The following COG5 variants were observed in gnomAD, a reference collection of about 807,000 sequenced individuals.
The protein encoded by COG5 is conserved oligomeric Golgi complex subunit 5.
In COG5, 86 loss-of-function variants were observed where a neutral mutation model predicts 110.4. The ratio of observed to expected loss-of-function variants is 0.78; its 90% CI spans 0.65 to 0.93. COG5 has a LOEUF of 0.93. Among genes scored for constraint, COG5 ranks in the 40% least tolerant of loss-of-function variants. COG5 has a pLI of 0.00. For missense variants in COG5, 1,077 were observed against 987.0 expected, an observed-to-expected ratio of 1.09 and a Z score of -1.22; for synonymous variants, 360 against 334.6, an observed-to-expected ratio of 1.08 and a Z score of -0.83.
chr7:107,397,757 G>T (rs1472921131), intron 7 of COG5, among the ~76,000 whole-genome samples: 1 of 151,930 alleles, frequency 6.6e-6, no homozygotes, highest in Non-Finnish European at 1.5e-5. Flanking sequence ...TAAACACAAG[G>T]AATAACAAAA....
chr7:107,286,794 T>C (rs538762949), intron 12 of COG5, among the ~76,000 whole-genome samples: 7 of 152,168 alleles, frequency 4.6e-5, no homozygotes, highest in Non-Finnish European at 1.0e-4. Flanking sequence ...CACTCCTTTT[T>C]TTAAAATAAA....
intron 14 of COG5, among the ~76,000 whole-genome samples, chr7:107,279,669 T>C (rs570855215): frequency 2.0e-5 from 3 of 152,132 alleles, no homozygotes; most frequent in Non-Finnish European, 4.4e-5. Flanking sequence ...AAATAAGGCA[T>C]ATGATGTTTT....
At position 107,256,776 on chromosome 7, in the gene COG5, A is replaced by T; in HGVS notation, c.1705T>A (p.Ser569Thr). The change falls in exon 16 of 22, where the codon TCA becomes ACA. Residue 569 changes from serine to threonine, a missense_variant. Ser to Thr is a moderately conservative substitution (Grantham distance 58, BLOSUM62 1). Transcript: ENST00000297135. ...GTTTGCTCAGCTGCCAGTGGGAATGAGCTCTGACTGGAAACAACCTAGAAC... is the reference window on the plus strand; with the variant it reads ...GTTTGCTCAGCTGCCAGTGGGAATGTGCTCTGACTGGAAACAACCTAGAAC... ...SVTKVVSSQS[S>T]FPLAAEQTII... The T allele has an allele frequency of 6.2e-7, 1 of 1,611,026 alleles. No individual in the cohort carries two copies.
At chr7:107,295,093 ATATATATATTT>A (rs1319647864) in intron 12 of COG5, among the ~76,000 whole-genome samples, 3 of 77,162 alleles carry the variant, frequency 3.9e-5, no homozygotes, top group South Asian at 5.1e-4. Flanking sequence ...ATATATATAT[ATATATATATTT>A]TTTTTTTTTT....
rs1798314873 is a variant in COG5 at position 107,201,602 on chromosome 7, C to T, written c.*1914G>A. On this transcript the variant is annotated 3_prime_UTR_variant, in exon 22 of 22. Coordinates refer to ENST00000297135, the MANE Select transcript of COG5 (RefSeq NM_006348.5). Reference sequence around the variant, plus strand: ...AATATGAGTGAGGATTTGCTTTCTCCATTAGAGCATTAAGCTAAAACTATC... The same window carrying T: ...AATATGAGTGAGGATTTGCTTTCTCTATTAGAGCATTAAGCTAAAACTATC... The T allele has an allele frequency of 4.5e-6, 2 of 449,294 alleles. No homozygotes were observed. Among genetic ancestry groups the T allele is most frequent in the South Asian group, 5.6e-5 (1 of 17,920 alleles). 27.8% of individuals were successfully genotyped at this position (449,294 alleles called of 1,614,324 possible).
At chr7:107,376,734 A>G (rs1814669546) in intron 7 of COG5, among the ~76,000 whole-genome samples, 1 of 152,042 alleles carries the variant, frequency 6.6e-6, no homozygotes, top group African/African-American at 2.4e-5. Flanking sequence ...ATCATCCCTA[A>G]TATCAAATGG....
At chr7:107,405,393 GGCACTA>G (rs1458570519) in intron 7 of COG5, among the ~76,000 whole-genome samples, 1 of 152,134 alleles carries the variant, frequency 6.6e-6, no homozygotes, top group Non-Finnish European at 1.5e-5. Context: ...GAGAAGAAAA[GGCACTA>G]GCTCCCAAAC....
intron 6 of COG5, among the ~76,000 whole-genome samples, chr7:107,517,671 G>C (rs896236564): frequency 1.3e-5 from 2 of 150,874 alleles, no homozygotes; most frequent in Non-Finnish European, 2.9e-5. Flanking sequence ...CTACAAGCCA[G>C]AAGAGAGTGG....
intron 7 of COG5, among the ~76,000 whole-genome samples, chr7:107,379,335 C>T (rs573342616): frequency 1.3e-5 from 2 of 152,180 alleles, no homozygotes; most frequent in Non-Finnish European, 2.9e-5. Context: ...TTGTGAAGAC[C>T]ACGGACACTA....
chr7:107,305,211 G>C (rs1807608724), intron 11 of COG5, among the ~76,000 whole-genome samples: 1 of 152,200 alleles, frequency 6.6e-6, no homozygotes, highest in Non-Finnish European at 1.5e-5. Flanking sequence ...TATCCTAGTA[G>C]AGGCTGCTGG....
chr7:107,528,359 G>A (rs751845122), intron 5 of COG5, among the ~76,000 whole-genome samples: 1 of 152,158 alleles, frequency 6.6e-6, no homozygotes, highest in African/African-American at 2.4e-5. Context: ...AAAGTGCTAG[G>A]ATTACAGGTG....
chr7:107,511,691 T>A (rs905623115), intron 6 of COG5, among the ~76,000 whole-genome samples: 1 of 152,188 alleles, frequency 6.6e-6, no homozygotes, highest in Non-Finnish European at 1.5e-5. Flanking sequence ...AAAAAGCTTA[T>A]CTACCATGAT....
rs951812685 is a variant in COG5, at chr7:107,346,314, C to T, written c.1026+15719G>A. On this transcript the variant is annotated intron_variant, in intron 10 of 21. Transcript: ENST00000297135. ...GAAGGATATTTTCTGTTAATATTTC[C>T]ATGGAATATTAAAATAAGTCTTGTG... Among the ~76,000 whole-genome samples, 4 of 151,908 alleles carry T rather than the reference C, an allele frequency of 2.6e-5. No individual in the cohort carries two copies. The South Asian group carries it at 8.3e-4, about 32-fold the overall frequency.
intron 21 of COG5, chr7:107,207,936 G>A (rs1798894084): frequency 1.0e-6 from 1 of 985,288 alleles, no homozygotes; most frequent in South Asian, 4.7e-5. Context: ...ATTATGCTGG[G>A]AGGAACAGAA....
intron 8 of COG5, among the ~76,000 whole-genome samples, chr7:107,365,596 C>CAAAAAAAAAAAAA (rs71134263): frequency 1.6e-3 from 59 of 36,710 alleles, no homozygotes; most frequent in Admixed American, 2.2e-3. Context: ...TGCAAAATGA[C>CAAAAAAAAAAAAA]AAAAAAAAAA....
chr7:107,487,857 G>A (rs1037547096), intron 6 of COG5, among the ~76,000 whole-genome samples: 5 of 152,016 alleles, frequency 3.3e-5, no homozygotes, highest in African/African-American at 9.7e-5. Flanking sequence ...TGTCCATAAT[G>A]TAATCTTAGG....
chr7:107,380,323 C>G (rs955288556), intron 7 of COG5, among the ~76,000 whole-genome samples: 1 of 151,824 alleles, frequency 6.6e-6, no homozygotes, highest in Non-Finnish European at 1.5e-5. Flanking sequence ...CAGAGCAGAA[C>G]TGAAGGAGAT....
At chr7:107,370,051 C>T (rs897861350) in intron 8 of COG5, among the ~76,000 whole-genome samples, 5 of 151,956 alleles carry the variant, frequency 3.3e-5, no homozygotes, top group Admixed American at 3.3e-4. Flanking sequence ...TATTGAGTTA[C>T]AGGCTGTTTA....
chr7:107,401,873 T>C (rs1791457370), intron 7 of COG5, among the ~76,000 whole-genome samples: 1 of 152,222 alleles, frequency 6.6e-6, no homozygotes, highest in South Asian at 2.1e-4. Flanking sequence ...GCAGAACTAC[T>C]ATCGCAAACT....
Sources: gnomAD v4.1 joint callset for allele counts (sites outside exome capture counted in the v4.1 genomes callset) on GRCh38, gnomAD v4.1.1 for gene constraint, MANE v1.5 for transcripts, NCBI Gene and HGNC (gene_info 2026-07-23, HGNC 2026-07-21) for gene names.